Variants in SHOC1 observed in about 807,000 individuals in gnomAD.
SHOC1 encodes protein shortage in chiasmata 1 ortholog.
In SHOC1, 136 loss-of-function variants were observed where a neutral mutation model predicts 179.2. The ratio of observed to expected loss-of-function variants is 0.76; its 90% CI spans 0.66 to 0.87. SHOC1 has a LOEUF of 0.87. SHOC1 is among the 40% of genes least tolerant of loss of function. SHOC1 has a pLI of 0.00. For synonymous variants in SHOC1, 489 were observed against 586.6 expected (o/e 0.83, Z 2.41); for missense variants, 1,538 against 1,700.8 (o/e 0.90, Z 1.68).
chr9:111,723,446 G>T (rs562094816), intron 14 of SHOC1, among the ~76,000 whole-genome samples: 71 of 152,286 alleles, frequency 4.7e-4, no homozygotes, highest in South Asian at 6.2e-4. Flanking sequence ...ACATCACTCT[G>T]ATAGCAGGTA....
intron 4 of SHOC1, 89 bp from the exon 5 acceptor site, chr9:111,776,064 T>A (rs1235233416): frequency 1.1e-6 from 1 of 943,674 alleles, no homozygotes; most frequent in Non-Finnish European, 1.6e-6. Context: ...GTGGAAAAAA[T>A]TATCAAATTC....
chr9:111,710,724 T>A (rs1377790309), intron 18 of SHOC1, among the ~76,000 whole-genome samples: 1 of 152,166 alleles, frequency 6.6e-6, no homozygotes, highest in Non-Finnish European at 1.5e-5. Flanking sequence ...AGGAAAAGCA[T>A]TGAAATCAAG....
chr9:111,782,293 C>G (rs1037954298), intron 3 of SHOC1, among the ~76,000 whole-genome samples: 6 of 152,110 alleles, frequency 3.9e-5, no homozygotes, highest in Non-Finnish European at 8.8e-5. Flanking sequence ...CCTTGGACTG[C>G]TACTTATTAT....
At chr9:111,690,872 G>T (rs958697190) in intron 27 of SHOC1, among the ~76,000 whole-genome samples, 15 of 152,168 alleles carry the variant, frequency 9.9e-5, no homozygotes, top group African/African-American at 3.6e-4. Context: ...AGAGAAGTTT[G>T]AAACTTAAGC....
At chr9:111,771,876 T>C (rs1835624325) in intron 5 of SHOC1, among the ~76,000 whole-genome samples, 2 of 152,182 alleles carry the variant, frequency 1.3e-5, no homozygotes, top group African/African-American at 2.4e-5. Context: ...GTTTGGTTAT[T>C]ACATACCTTG....
At chr9:111,786,216 A>C (rs916756910) in intron 2 of SHOC1, among the ~76,000 whole-genome samples, 181 bp from the exon 3 acceptor site, 1 of 152,194 alleles carries the variant, frequency 6.6e-6, no homozygotes, top group Non-Finnish European at 1.5e-5. Context: ...CGGGCAGATC[A>C]CAAGGTCAGG....
At chr9:111,768,942 G>C (rs574027395) in intron 5 of SHOC1, among the ~76,000 whole-genome samples, 1 of 152,094 alleles carries the variant, frequency 6.6e-6, no homozygotes, top group South Asian at 2.1e-4. Flanking sequence ...TACCTATTTT[G>C]ATGATGGTTT....
intron 8 of SHOC1, among the ~76,000 whole-genome samples, chr9:111,754,494 C>G (rs550141599): frequency 6.6e-6 from 1 of 152,262 alleles, no homozygotes; most frequent in South Asian, 2.1e-4. Context: ...ATTTGGAACC[C>G]TCACACATTG....
Position 111,691,877 on chromosome 9 carries a change from T to C in SHOC1, c.4100A>G (p.Gln1367Arg), listed in dbSNP as rs2131309357. 6.2e-7 allele frequency: 1 copy of C among 1,613,890 alleles called. No homozygotes were observed. The highest frequency in any genetic ancestry group is 1.1e-5 in the South Asian group (1 of 91,070). Residue 1367 changes from glutamine (Q) to arginine (R), a missense_variant, in exon 27 of 28, where the codon CAA (glutamine) becomes CGA (arginine). Gln to Arg is a conservative substitution (Grantham distance 43, BLOSUM62 1). Coordinates refer to ENST00000682961, the MANE Select transcript of SHOC1 (RefSeq NM_001378211.1). ...TTGTAAGTTGAACGGGTGATTCTCT[T>C]GTTCCCATATATTTTTCTTAAAGTT... The part of the protein sequence containing the change: ...HWNFKKNIWE[Q>R]ENHPFNLQYG...
chr9:111,694,061 C>T (rs1257824740), intron 25 of SHOC1, 113 bp from the exon 26 acceptor site: 16 of 1,095,304 alleles, frequency 1.5e-5, no homozygotes, highest in African/African-American at 3.2e-5. Flanking sequence ...AGTAGTCTTT[C>T]GAAAGTGATC....
At chr9:111,746,787 T>C (rs1402464421) in intron 9 of SHOC1, among the ~76,000 whole-genome samples, 2 of 152,190 alleles carry the variant, frequency 1.3e-5, no homozygotes, top group Non-Finnish European at 2.9e-5. Flanking sequence ...AGTTGAGATA[T>C]AAAATGTCTT....
At chr9:111,747,382 C>T (rs746146745) in intron 9 of SHOC1, among the ~76,000 whole-genome samples, 55 of 151,650 alleles carry the variant, frequency 3.6e-4, no homozygotes, top group Non-Finnish European at 4.9e-4. Context: ...ACATAGAGAA[C>T]GATAACATTG....
rs1287106884 is a variant in SHOC1, at chr9:111,741,471, T to C, written c.1174+5A>G. On this transcript the variant is annotated splice_donor_5th_base_variant and intron_variant, in intron 11 of 27. Transcript: ENST00000682961. ...ATTTATCACTTAAAGGCAATTAATC[T>C]TTACCTGTAAGCAAAAATGGGTTCA... The C allele has an allele frequency of 1.3e-6, 2 of 1,571,008 alleles. No individual in the cohort carries two copies. Among genetic ancestry groups the C allele is most frequent in the African/African-American group, 2.7e-5 (2 of 73,962 alleles).
chr9:111,723,945 T>C, intron 13 of SHOC1, 34 bp from the exon 14 acceptor site: 1 of 1,419,126 alleles, frequency 7.0e-7, no homozygotes, highest in Non-Finnish European at 9.5e-7. Flanking sequence ...AAATTTTTGT[T>C]GTTCAAGAGA....
intron 3 of SHOC1, among the ~76,000 whole-genome samples, chr9:111,785,471 CTGTTAACCGACTTGA>C (rs1836229166): frequency 6.6e-6 from 1 of 152,090 alleles, no homozygotes; most frequent in Non-Finnish European, 1.5e-5. Context: ...CAAGTAAATG[CTGTTAACCGACTTGA>C]CTCCTCCAAG....
chr9:111,720,415 T>C lies in SHOC1; in HGVS notation c.2131+1994A>G, dbSNP rs577287892. Among the ~76,000 whole-genome samples the C allele has an allele frequency of 3.0e-4, 46 of 152,336 alleles. 1 individual carries two copies. Among genetic ancestry groups the C allele is most frequent in the African/African-American group, 1.1e-3 (45 of 41,588 alleles). On this transcript the variant is annotated intron_variant, in intron 15 of 27. Coordinates refer to ENST00000682961, the MANE Select transcript of SHOC1 (RefSeq NM_001378211.1). ...TTCTCTTTTTATTATTGGCTTTGAG[T>C]AATTTGATTATGTGGACCTTCTTTG...
chr9:111,713,389 G>A (rs1832640005), intron 17 of SHOC1, among the ~76,000 whole-genome samples: 1 of 152,136 alleles, frequency 6.6e-6, no homozygotes, highest in African/African-American at 2.4e-5. Context: ...TTGGGATAGG[G>A]CATTCTTAGC....
chr9:111,718,147 T>C, intron 16 of SHOC1, 37 bp downstream of exon 16: 3 of 1,395,036 alleles, frequency 2.2e-6, no homozygotes, highest in Non-Finnish European at 3.0e-6. Flanking sequence ...AAATATTTAA[T>C]AGGAAGAAAA....
intron 4 of SHOC1, among the ~76,000 whole-genome samples, chr9:111,780,626 A>G (rs797014791): frequency 3.7e-4 from 56 of 152,254 alleles, no homozygotes; most frequent in African/African-American, 1.3e-3. Context: ...AATAGCCTTA[A>G]ATCTGTATTT....
Sources: gnomAD v4.1 joint callset for allele counts (sites outside exome capture counted in the v4.1 genomes callset) on GRCh38, gnomAD v4.1.1 for gene constraint, MANE v1.5 for transcripts, NCBI Gene and HGNC (gene_info 2026-07-23, HGNC 2026-07-21) for gene names.